Variants in IQSEC1 observed in about 807,000 individuals in gnomAD.
IQSEC1 encodes IQ motif and Sec7 domain ArfGEF 1.
A neutral mutation model predicts 91.0 loss-of-function variants in IQSEC1; 31 were observed. That is an observed-to-expected ratio of 0.34 (90% CI 0.26 to 0.46). IQSEC1 has a LOEUF of 0.46. Among genes scored for constraint, IQSEC1 ranks in the 20% least tolerant of loss-of-function variants. The pLI, the probability that IQSEC1 is intolerant of heterozygous loss-of-function variation, is 1.00. For missense variants in IQSEC1, 1,388 were observed against 1,575.6 expected (o/e 0.88, Z 2.02); for synonymous variants, 699 against 662.6 (o/e 1.05, Z -0.84).
intron 1 of IQSEC1, among the ~76,000 whole-genome samples, chr3:13,046,266 G>A (rs1704489378): frequency 6.6e-6 from 1 of 152,386 alleles, no homozygotes; most frequent in Admixed American, 6.5e-5. Context: ...ATATGTGGGT[G>A]TGACTGTGGA....
At chr3:13,192,567 C>T (rs1018822591) in intron 1 of IQSEC1, among the ~76,000 whole-genome samples, 1 of 152,170 alleles carries the variant, frequency 6.6e-6, no homozygotes, top group Non-Finnish European at 1.5e-5. Flanking sequence ...GCAGGAAGCG[C>T]CAGGACCACC....
intron 1 of IQSEC1, among the ~76,000 whole-genome samples, chr3:13,257,067 T>A (rs140120930): frequency 7.6e-4 from 115 of 152,196 alleles, no homozygotes; most frequent in African/African-American, 2.6e-3. Flanking sequence ...GGTGCTGCCA[T>A]GAGGATTAAG....
chr3:13,211,815 C>G lies in IQSEC1; in HGVS notation c.273-47682G>C, dbSNP rs576732168. Among the ~76,000 whole-genome samples the G allele has an allele frequency of 6.6e-6, 1 of 152,216 alleles. No individual in the cohort carries two copies. The highest frequency in any genetic ancestry group is 1.5e-5 in the Non-Finnish European group (1 of 68,034). Reference sequence around the variant, plus strand: ...GGCAGATGAAATCCCTAAAAGCCCACGGCAAATGCCGCACCCTCCATGCAG... The same window carrying G: ...GGCAGATGAAATCCCTAAAAGCCCAGGGCAAATGCCGCACCCTCCATGCAG... On this transcript the variant is annotated intron_variant, in intron 1 of 15. Transcript: ENST00000648114. The surrounding 1 kb of genome is among the most constrained non-coding windows in gnomAD (Gnocchi z 5.3).
At chr3:12,946,838 G>C (rs1699212937) in intron 1 of IQSEC1, among the ~76,000 whole-genome samples, 1 of 152,150 alleles carries the variant, frequency 6.6e-6, no homozygotes, top group East Asian at 1.9e-4. Flanking sequence ...AGTGTCTGGG[G>C]GCTGCACAGA....
intron 2 of IQSEC1, among the ~76,000 whole-genome samples, chr3:13,080,967 C>T (rs772962664): frequency 1.3e-5 from 2 of 152,236 alleles, no homozygotes; most frequent in African/African-American, 2.4e-5. Flanking sequence ...AAGCTAAAAG[C>T]TCAAACAAAT....
Position 13,259,373 on chromosome 3 carries a change from G to T in IQSEC1, c.272+23338C>A, listed in dbSNP as rs1695343578. Among the ~76,000 whole-genome samples the T allele has an allele frequency of 6.6e-6, 1 of 152,208 alleles. No homozygotes were observed. Among genetic ancestry groups the T allele is most frequent in the Admixed American group, 6.5e-5 (1 of 15,282 alleles). ...CAGCCCGAGGTCACCAAGCCTGTGA[G>T]CAGCGTCAGGGGAACTGACTGCTGG... is the stretch of plus-strand genomic sequence containing the variant. On this transcript the variant is annotated intron_variant, in intron 1 of 15. Transcript: ENST00000648114. This position sits in a 1 kb window ranked among gnomAD's most constrained non-coding sequence, Gnocchi z 4.6.
At chr3:13,065,547 C>A (rs143732202) in intron 1 of IQSEC1, among the ~76,000 whole-genome samples, 104 of 152,286 alleles carry the variant, frequency 6.8e-4, no homozygotes, top group Middle Eastern at 3.4e-3. Context: ...CACTTCACAC[C>A]ATTAGGATGG....
chr3:12,919,554 C>G (rs1696418832), intron 6 of IQSEC1, among the ~76,000 whole-genome samples: 1 of 152,244 alleles, frequency 6.6e-6, no homozygotes, highest in Admixed American at 6.5e-5. Context: ...GACGGCAGAA[C>G]CGCTGTTGAA....
intron 1 of IQSEC1, among the ~76,000 whole-genome samples, chr3:13,055,195 A>C (rs1400466494): frequency 2.0e-5 from 3 of 152,198 alleles, no homozygotes; most frequent in Non-Finnish European, 4.4e-5. Context: ...CCAGGAGCTC[A>C]GCCCGCCTGT....
chr3:13,198,403 C>T (rs866796726), intron 1 of IQSEC1, among the ~76,000 whole-genome samples: 1 of 152,054 alleles, frequency 6.6e-6, no homozygotes. Flanking sequence ...GTGCATACCG[C>T]GCCTAGAGAT....
At chr3:13,163,735 C>CGCCCA (rs1234084111) in intron 2 of IQSEC1, among the ~76,000 whole-genome samples, 1 of 152,082 alleles carries the variant, frequency 6.6e-6, no homozygotes, top group Non-Finnish European at 1.5e-5. Flanking sequence ...GCCCTGACCC[C>CGCCCA]GCCCAGCCCA....
chr3:12,988,743 C>T (rs1345318803), intron 1 of IQSEC1, among the ~76,000 whole-genome samples: 3 of 152,132 alleles, frequency 2.0e-5, no homozygotes, highest in Admixed American at 1.3e-4. Flanking sequence ...AGTGGTCACA[C>T]GCATGTTCTT....
intron 1 of IQSEC1, among the ~76,000 whole-genome samples, chr3:13,017,764 G>T (rs1223086609): frequency 6.6e-6 from 1 of 152,164 alleles, no homozygotes; most frequent in East Asian, 1.9e-4. Flanking sequence ...GGCTGGCAGG[G>T]CTGAGGCAAT....
intron 1 of IQSEC1, among the ~76,000 whole-genome samples, chr3:13,268,807 T>G (rs1238724828): frequency 6.6e-6 from 1 of 152,020 alleles, no homozygotes; most frequent in Non-Finnish European, 1.5e-5. Context: ...GGCAGTTTGG[T>G]AGGAGGGCTT....
At chr3:13,070,135 G>A (rs1420336446) in intron 1 of IQSEC1, among the ~76,000 whole-genome samples, 2 of 152,258 alleles carry the variant, frequency 1.3e-5, no homozygotes, top group African/African-American at 2.4e-5. Context: ...CCACTAGGCT[G>A]AGGATAGCCT....
At chr3:12,971,962 C>T (rs1019177543) in intron 1 of IQSEC1, among the ~76,000 whole-genome samples, 5 of 151,744 alleles carry the variant, frequency 3.3e-5, no homozygotes, top group African/African-American at 7.3e-5. Flanking sequence ...GCAGAGGAGC[C>T]GAGATCGTGC....
At chr3:13,278,376 G>C (rs767861738) in intron 1 of IQSEC1, among the ~76,000 whole-genome samples, 5 of 152,194 alleles carry the variant, frequency 3.3e-5, no homozygotes. Flanking sequence ...ACGTGACACC[G>C]TGAGCCCTGC....
At position 12,902,776 on chromosome 3, in the gene IQSEC1, C is replaced by A; in HGVS notation, c.2802G>T (p.Val934=). The change falls in exon 13 of 14, where the codon GTG becomes GTT. Residue 934 remains valine (V), a synonymous_variant. Coordinates refer to ENST00000613206, the MANE Select transcript of IQSEC1 (RefSeq NM_001134382.3). ...RSSAGSLESN[V]EGSIISSPHM... is the part of the protein sequence containing the mutation. ...GACAGAGGCGCTTCCTACTTACTTC[C>A]ACATTGCTCTCTAGCGATCCCGCAC... 6.2e-7 allele frequency: 1 copy of A among 1,610,286 alleles called. No homozygotes were observed. The highest frequency in any genetic ancestry group is 8.5e-7 in the Non-Finnish European group (1 of 1,177,500).
chr3:12,984,625 A>G (rs1701633832), intron 1 of IQSEC1, among the ~76,000 whole-genome samples: 1 of 152,090 alleles, frequency 6.6e-6, no homozygotes, highest in African/African-American at 2.4e-5. Flanking sequence ...CTGTAGCCAC[A>G]TGGAACCACC....
Sources: allele counts gnomAD v4.1 joint callset (sites outside exome capture counted in the v4.1 genomes callset), GRCh38; gene constraint gnomAD v4.1.1; non-coding constraint Gnocchi (gnomAD v3.1); transcripts MANE v1.5; gene names NCBI Gene and HGNC (gene_info 2026-07-23, HGNC 2026-07-21).